NUMA1: variants seen among roughly 807,000 people sequenced by gnomAD.
NUMA1 encodes SP-H antigen.
NUMA1 carries 62 observed loss-of-function variants against 237.1 expected under a neutral mutation model. The ratio of observed to expected loss-of-function variants is 0.26; its 90% CI spans 0.21 to 0.32. The LOEUF (loss-of-function observed/expected upper bound fraction) is 0.32. Ranked by LOEUF, NUMA1 falls within the 10% of genes least tolerant of loss-of-function variation. The probability of loss-of-function intolerance (pLI) is 1.00; values close to 1 mark genes in which losing one functional copy is unlikely to be tolerated. For missense variants in NUMA1, 2,533 were observed against 2,666.5 expected (o/e 0.95, Z 1.10); for synonymous variants, 1,028 against 1,066.1 (o/e 0.96, Z 0.70).
At position 72,007,434 on chromosome 11, in the gene NUMA1, T is replaced by C; in HGVS notation, c.5218A>G (p.Lys1740Glu). The C allele has an allele frequency of 6.2e-7, 1 of 1,613,242 alleles. No individual in the cohort carries two copies. Among genetic ancestry groups the C allele is most frequent in the South Asian group, 1.1e-5 (1 of 91,052 alleles). Residue 1740 changes from lysine (K) to glutamate (E), a missense_variant and splice_region_variant, in exon 21 of 27, where the codon AAG becomes GAG. Lys to Glu is a moderately conservative substitution (Grantham distance 56). Transcript: ENST00000393695. ...CCGTCTGGCTGGGTACGAGGCAGCTTGCTATGGAAAGGAAACCTGCTGAGG... is the reference window on the plus strand; with the variant it reads ...CCGTCTGGCTGGGTACGAGGCAGCTCGCTATGGAAAGGAAACCTGCTGAGG... Reference protein sequence around the residue: ...EEGTPLSITSKLPRTQPDGTS... With the variant: ...EEGTPLSITSELPRTQPDGTS...
chr11:72,063,672 T>A (rs1295407380), intron 2 of NUMA1, among the ~76,000 whole-genome samples: 1 of 150,346 alleles, frequency 6.7e-6, no homozygotes. Flanking sequence ...ATCCCAGCAC[T>A]TTGGGAGGCC....
intron 2 of NUMA1, chr11:72,066,369 A>G (rs183788362): frequency 1.3e-5 from 2 of 152,320 alleles, no homozygotes; most frequent in South Asian, 2.1e-4. Context: ...CTGTAAATCA[A>G]AAACACTTAA....
In NUMA1 at chr11:72,004,656, C is replaced by A. The variant is rs1955556046; in HGVS notation, c.5990G>T (p.Gly1997Val). The A allele has an allele frequency of 1.2e-6, 2 of 1,612,808 alleles. No homozygotes were observed. Among genetic ancestry groups the A allele is most frequent in the Non-Finnish European group, 1.7e-6 (2 of 1,179,926 alleles). The change falls in exon 24 of 27, where the codon GGC (glycine) becomes GTC (valine). Residue 1997 changes from glycine to valine, a missense_variant. Physicochemically the swap from Gly to Val is moderately radical, Grantham distance 109 (BLOSUM62 -3). This residue lies in a region of NUMA1 where 795 missense variants were observed against 750.8 expected (regional missense o/e 1.06). Coordinates refer to ENST00000393695, the MANE Select transcript of NUMA1 (RefSeq NM_006185.4). ...CGCGCCTACCTCAGGAGTTCCAGGG[C>A]CCTGGTGGGGCTCTAGGGAGACCCG... ...RKRVSLEPHQ[G>V]PGTPESKKAT...
intron 2 of NUMA1, among the ~76,000 whole-genome samples, chr11:72,046,599 G>C (rs1372915954): frequency 6.8e-6 from 1 of 147,292 alleles, no homozygotes; most frequent in African/African-American, 2.4e-5. Context: ...GAGAGGGAGA[G>C]AGAGAGAGAG....
rs1938432508 is a variant in NUMA1, at chr11:72,019,529, C to T, written c.549G>A (p.Glu183=). 6.2e-7 allele frequency: 1 copy of T among 1,613,840 alleles called. No homozygotes were observed. Residue 183 remains glutamate, a synonymous_variant, in exon 9 of 27, where the codon GAG becomes GAA. Coordinates refer to ENST00000393695, the MANE Select transcript of NUMA1 (RefSeq NM_006185.4). The part of the protein sequence containing the change: ...HQAKREIRFL[E]LQKVASSSSG... The stretch of plus-strand genomic sequence containing the variant: ...TGGAAGAGGAGGCAACCTTCTGTAG[C>T]TCTAGGAAGCGAATCTCCCTCTTGG...
In NUMA1 at chr11:72,015,981, T is replaced by C. The variant is rs1184032357; in HGVS notation, c.1522A>G (p.Thr508Ala). The C allele has an allele frequency of 7.4e-6, 12 of 1,614,054 alleles. No individual in the cohort carries two copies. The highest frequency in any genetic ancestry group is 1.0e-5 in the Non-Finnish European group (12 of 1,179,988). The change falls in exon 15 of 27, where the codon ACC (threonine) becomes GCC (alanine). Residue 508 changes from threonine to alanine, a missense_variant. Around this residue, in one of 3 missense-constraint regions of NUMA1, gnomAD observed 1,414 missense variants for 1,508.1 expected, o/e 0.94. Transcript: ENST00000393695. The surrounding 1 kb of genome is among the most constrained non-coding windows in gnomAD (Gnocchi z 4.0). ...TGCTGGATGGTGGCATTGAGTGTGG[T>C]GAGCTCAGAGGTCAGAGAGGCCACC... ...AQVASLTSEL[T>A]TLNATIQQQD...
chr11:72,023,922 T>C, intron 5 of NUMA1: 1 of 238,290 alleles, frequency 4.2e-6, no homozygotes. Context: ...AAAACAGTTT[T>C]TCTTGCAAGG....
At position 72,029,245 on chromosome 11, in the gene NUMA1, G is replaced by T. The variant is rs748042856; in HGVS notation, c.88C>A (p.Leu30Ile). The stretch of plus-strand genomic sequence containing the variant: ...TTGATGAAGATGCTGCAGTCCTGGA[G>T]CTGCAGCACAGCCTCCACAGGGTCA... Reference protein sequence around the residue: ...VADPVEAVLQLQDCSIFIKII... With the variant: ...VADPVEAVLQIQDCSIFIKII... Residue 30 changes from leucine to isoleucine, a missense_variant, in exon 4 of 27, where the codon CTC becomes ATC. This residue lies in a region of NUMA1 where 1,414 missense variants were observed against 1,508.1 expected (regional missense o/e 0.94). Coordinates refer to ENST00000393695, the MANE Select transcript of NUMA1 (RefSeq NM_006185.4). 1 of 1,610,724 alleles carries T rather than the reference G, an allele frequency of 6.2e-7. No homozygotes were observed. The highest frequency in any genetic ancestry group is 8.5e-7 in the Non-Finnish European group (1 of 1,179,556).
intron 16 of NUMA1, among the ~76,000 whole-genome samples, chr11:72,011,074 A>G (rs1956126360): frequency 6.6e-6 from 1 of 152,160 alleles, no homozygotes; most frequent in South Asian, 2.1e-4. Flanking sequence ...GCCAGGGCCA[A>G]CTGTTCTTGC....
intron 17 of NUMA1, 52 bp from the exon 18 acceptor site, chr11:72,009,439 C>A: frequency 6.5e-7 from 1 of 1,542,958 alleles, no homozygotes; most frequent in South Asian, 1.2e-5. Flanking sequence ...TACCCAAGTC[C>A]GCTTATCTGC....
intron 2 of NUMA1, among the ~76,000 whole-genome samples, chr11:72,046,723 G>T (rs531991747): frequency 6.6e-6 from 1 of 152,198 alleles, no homozygotes; most frequent in East Asian, 1.9e-4. Context: ...ACTTTGGGAG[G>T]TCGAGGTGGG....
intron 3 of NUMA1, among the ~76,000 whole-genome samples, chr11:72,030,608 G>C (rs79851330): frequency 7.3e-4 from 111 of 152,342 alleles, no homozygotes; most frequent in African/African-American, 2.5e-3. Flanking sequence ...CTACAGTTCA[G>C]AAGTAGCCTG....
In NUMA1 at chr11:72,006,127, T is replaced by C. The variant is rs1470735798; in HGVS notation, c.5600A>G (p.Asn1867Ser). The C allele has an allele frequency of 2.5e-6, 4 of 1,613,950 alleles. No homozygotes were observed. The African/African-American group carries it at 4.0e-5, about 16-fold the overall frequency. ...LARLGSPDYG[N>S]SALLSLPGYR... ...GCCAGGCAAGCTGAGCAGGGCTGAG[T>C]TGCCATAATCGGGAGAACCCAGGCG... is the stretch of plus-strand genomic sequence containing the variant. The change falls in exon 22 of 27, where the codon AAC (asparagine) becomes AGC (serine). Residue 1867 changes from asparagine to serine, a missense_variant. Asn to Ser is a conservative substitution (Grantham distance 46). Around this residue, in one of 3 missense-constraint regions of NUMA1, gnomAD observed 795 missense variants for 750.8 expected, o/e 1.06. Transcript: ENST00000393695.
chr11:72,073,665 C>G (rs1943570113), intron 1 of NUMA1, among the ~76,000 whole-genome samples: 1 of 152,176 alleles, frequency 6.6e-6, no homozygotes, highest in Admixed American at 6.5e-5. Context: ...AAAACCAGAA[C>G]TAATGAGTGG....
In NUMA1 at chr11:72,014,406, G is replaced by C; in HGVS notation, c.3097C>G (p.Arg1033Gly). 2 of 1,610,450 alleles carry C rather than the reference G, an allele frequency of 1.2e-6. No individual in the cohort carries two copies. The highest frequency in any genetic ancestry group is 1.7e-6 in the Non-Finnish European group (2 of 1,180,018). Residue 1033 changes from arginine to glycine, a missense_variant, in exon 15 of 27, where the codon CGG becomes GGG. Transcript: ENST00000393695. This position sits in a 1 kb window ranked among gnomAD's most constrained non-coding sequence, Gnocchi z 4.6. ...TGCTCGTTGAGGGCGTTCTGCAGCC[G>C]CATCTCAAGCTCTGCTCTGGCCGCC... Reference protein sequence around the residue: ...EKAARAELEMRLQNALNEQRV... With the variant: ...EKAARAELEMGLQNALNEQRV...
chr11:72,046,273 G>A (rs993157080), intron 2 of NUMA1, among the ~76,000 whole-genome samples: 19 of 152,288 alleles, frequency 1.2e-4, no homozygotes, highest in South Asian at 1.0e-3. Context: ...GGCCGGGCAC[G>A]GTGGCTCACG....
At chr11:72,003,604 G>A in intron 26 of NUMA1, 66 bp from the exon 27 acceptor site, 3 of 1,591,282 alleles carry the variant, frequency 1.9e-6, no homozygotes, top group Non-Finnish European at 8.6e-7. Flanking sequence ...CACTGGCTGG[G>A]AAGATCTCTT....
chr11:72,018,606 G>A (rs935177839), intron 10 of NUMA1, 93 bp from the exon 11 acceptor site: 2 of 1,213,294 alleles, frequency 1.6e-6, no homozygotes, highest in Non-Finnish European at 2.4e-6. Context: ...GGGGAAGGGA[G>A]GAGACGGCAT....
intron 4 of NUMA1, among the ~76,000 whole-genome samples, chr11:72,027,637 G>T (rs903141464): frequency 6.6e-6 from 1 of 152,132 alleles, no homozygotes; most frequent in Non-Finnish European, 1.5e-5. Context: ...CCTGATGAAA[G>T]ATCTTAAACA....
Sources: gnomAD v4.1 joint callset for allele counts (sites outside exome capture counted in the v4.1 genomes callset) on GRCh38, gnomAD v4.1.1 for gene constraint, gnomAD v4.1.1 regional missense constraint, Gnocchi (gnomAD v3.1) non-coding constraint, MANE v1.5 for transcripts, NCBI Gene and HGNC (gene_info 2026-07-23, HGNC 2026-07-21) for gene names.